The following TTC29 variants were observed in gnomAD, a reference collection of about 807,000 sequenced individuals.
TTC29 encodes the protein tetratricopeptide repeat protein 29.
Under a neutral mutation model 58.1 loss-of-function variants are expected in TTC29, and 49 were observed. The observed-to-expected ratio is 0.84, with a 90% CI of 0.67 to 1.07. TTC29 has a LOEUF of 1.07. TTC29 is among the 50% of genes least tolerant of loss of function. The pLI is 0.00. For synonymous variants in TTC29, 209 were observed against 196.8 expected, an observed-to-expected ratio of 1.06 and a Z score of -0.52; for missense variants, 582 against 555.6, an observed-to-expected ratio of 1.05 and a Z score of -0.48.
At chr4:146,925,693 T>C (rs1436748343) in intron 4 of TTC29, among the ~76,000 whole-genome samples, 1 of 152,148 alleles carries the variant, frequency 6.6e-6, no homozygotes, top group Non-Finnish European at 1.5e-5. Flanking sequence ...TTTGGCTACT[T>C]TGATTATAGG....
chr4:146,909,337 A>C, intron 4 of TTC29, 88 bp from the exon 5 acceptor site: 1 of 1,075,800 alleles, frequency 9.3e-7, no homozygotes, highest in Non-Finnish European at 1.3e-6. Flanking sequence ...TAAAGGTTGA[A>C]TCATGTTGCC....
At chr4:146,713,676 T>G (rs1338744917) in intron 11 of TTC29, among the ~76,000 whole-genome samples, 3 of 152,128 alleles carry the variant, frequency 2.0e-5, no homozygotes, top group Non-Finnish European at 4.4e-5. Context: ...TGCCAAGGGC[T>G]TTTATTAATA....
At chr4:146,874,639 G>A (rs1356136673) in intron 7 of TTC29, 77 bp downstream of exon 7, 7 of 1,191,224 alleles carry the variant, frequency 5.9e-6, no homozygotes, top group South Asian at 4.1e-5. Flanking sequence ...AACACTTGAC[G>A]ATTTTTACTT....
chr4:146,826,928 A>G (rs4835347), intron 9 of TTC29, among the ~76,000 whole-genome samples: 9,507 of 151,438 alleles, frequency 0.063, 396 homozygotes, highest in Admixed American at 0.13. Context: ...TGAAGTTCTC[A>G]TGCTGTGTTT....
chr4:146,777,719 T>C (rs1341694868), intron 11 of TTC29, among the ~76,000 whole-genome samples: 2 of 152,186 alleles, frequency 1.3e-5, no homozygotes, highest in African/African-American at 4.8e-5. Flanking sequence ...TGACTAAAAT[T>C]ATATCAAGAT....
At chr4:146,868,228 G>GTGGGGTC (rs1043853276) in intron 7 of TTC29, among the ~76,000 whole-genome samples, 6 of 152,144 alleles carry the variant, frequency 3.9e-5, no homozygotes, top group Non-Finnish European at 8.8e-5. Flanking sequence ...GTTGTGGGGT[G>GTGGGGTC]TGGGGAGTGG....
At chr4:146,876,071 G>A (rs892528349) in intron 6 of TTC29, among the ~76,000 whole-genome samples, 1 of 152,172 alleles carries the variant, frequency 6.6e-6, no homozygotes, top group African/African-American at 2.4e-5. Context: ...CGAGCAGACA[G>A]CCTGTTCCTA....
At chr4:146,734,067 C>A (rs901814609) in intron 11 of TTC29, among the ~76,000 whole-genome samples, 2 of 152,116 alleles carry the variant, frequency 1.3e-5, no homozygotes, top group African/African-American at 4.8e-5. Context: ...AGCTACAAAA[C>A]TTTTAAATCC....
intron 5 of TTC29, among the ~76,000 whole-genome samples, chr4:146,904,148 C>T (rs1733360280): frequency 6.6e-6 from 1 of 151,830 alleles, no homozygotes; most frequent in African/African-American, 2.4e-5. Context: ...TCAGCCATAG[C>T]AAAAGATAAT....
chr4:146,795,022 A>G (rs1034837678), intron 11 of TTC29, among the ~76,000 whole-genome samples: 2 of 152,108 alleles, frequency 1.3e-5, no homozygotes, highest in African/African-American at 2.4e-5. Context: ...AGTTTTTCCT[A>G]TTGGTTTGAC....
chr4:146,903,430 C>A (rs1392734194), intron 6 of TTC29, 114 bp downstream of exon 6: 1 of 947,508 alleles, frequency 1.1e-6, no homozygotes, highest in Non-Finnish European at 1.5e-6. Context: ...CAATAATATA[C>A]ATGATTATGC....
intron 8 of TTC29, among the ~76,000 whole-genome samples, chr4:146,858,140 A>G (rs1729991539): frequency 6.6e-6 from 1 of 152,208 alleles, no homozygotes; most frequent in Non-Finnish European, 1.5e-5. Flanking sequence ...AAGTGTAAAC[A>G]CACATTTTTA....
chr4:146,787,802 A>G (rs1165422606), intron 11 of TTC29, among the ~76,000 whole-genome samples: 1 of 152,260 alleles, frequency 6.6e-6, no homozygotes, highest in East Asian at 1.9e-4. Flanking sequence ...GGTATTAAGT[A>G]GGTGGGAATG....
chr4:146,942,766 C>G (rs891761268), intron 2 of TTC29: 4 of 667,418 alleles, frequency 6.0e-6, no homozygotes, highest in East Asian at 5.7e-5. Context: ...ATTTTAGACT[C>G]TTTTCTAAAA....
At chr4:146,880,168 T>C (rs1731531384) in intron 6 of TTC29, among the ~76,000 whole-genome samples, 2 of 152,134 alleles carry the variant, frequency 1.3e-5, no homozygotes, top group Non-Finnish European at 2.9e-5. Flanking sequence ...TTTATTTCAA[T>C]AATACGAAGT....
At chr4:146,888,045 G>A (rs1431065342) in intron 6 of TTC29, among the ~76,000 whole-genome samples, 1 of 151,928 alleles carries the variant, frequency 6.6e-6, no homozygotes, top group African/African-American at 2.4e-5. Flanking sequence ...AAGGCAATGG[G>A]GAAGTTATTA....
intron 4 of TTC29, among the ~76,000 whole-genome samples, chr4:146,927,205 A>G (rs1209839599): frequency 4.6e-5 from 7 of 152,206 alleles, no homozygotes; most frequent in African/African-American, 1.7e-4. Flanking sequence ...TCAGTTTATA[A>G]TTATTAACTC....
At chr4:146,721,906 A>C (rs1176369277) in intron 11 of TTC29, among the ~76,000 whole-genome samples, 1 of 152,196 alleles carries the variant, frequency 6.6e-6, no homozygotes, top group East Asian at 1.9e-4. Flanking sequence ...CTATACCTAG[A>C]AAACCCTAAA....
intron 11 of TTC29, among the ~76,000 whole-genome samples, chr4:146,710,724 G>A (rs1424464416): frequency 2.6e-5 from 4 of 152,084 alleles, no homozygotes; most frequent in African/African-American, 9.7e-5. Flanking sequence ...GTTGAAGTGT[G>A]ATATTTGCTT....
Sources: allele counts gnomAD v4.1 joint callset (sites outside exome capture counted in the v4.1 genomes callset), GRCh38; gene constraint gnomAD v4.1.1; transcripts MANE v1.5; gene names NCBI Gene and HGNC (gene_info 2026-07-23, HGNC 2026-07-21).